AGBL1: variants seen among roughly 807,000 people sequenced by gnomAD.
The protein encoded by AGBL1 is AGBL carboxypeptidase 1.
A neutral mutation model predicts 118.9 loss-of-function variants in AGBL1; 130 were observed. The ratio of observed to expected loss-of-function variants is 1.09; its 90% CI spans 0.95 to 1.26. The LOEUF is 1.26. AGBL1 is among the 50% of genes most tolerant of loss of function. AGBL1 has a pLI of 0.00. For synonymous variants in AGBL1, 555 were observed against 478.9 expected (o/e 1.16, Z -2.08); for missense variants, 1,584 against 1,298.1 (o/e 1.22, Z -3.38).
At chr15:86,775,243 C>T (rs761777657) in intron 22 of AGBL1, among the ~76,000 whole-genome samples, 2 of 152,110 alleles carry the variant, frequency 1.3e-5, no homozygotes, top group Non-Finnish European at 2.9e-5. Flanking sequence ...GATGGTGGCT[C>T]AATCCAAGGC....
At chr15:87,020,989 G>GA (rs913103882) in intron 24 of AGBL1, among the ~76,000 whole-genome samples, 11 of 151,236 alleles carry the variant, frequency 7.3e-5, no homozygotes, top group East Asian at 3.9e-4. Context: ...GAATTAATTA[G>GA]AAAAAAAAAT....
chr15:86,777,774 T>A (rs866946495), intron 22 of AGBL1, among the ~76,000 whole-genome samples: 7 of 152,280 alleles, frequency 4.6e-5, no homozygotes, highest in African/African-American at 1.7e-4. Context: ...CCTCTTCTGT[T>A]TTTTTCTTTT....
intron 18 of AGBL1, among the ~76,000 whole-genome samples, chr15:86,467,045 A>T (rs1362388483): frequency 6.6e-6 from 1 of 152,208 alleles, no homozygotes; most frequent in African/African-American, 2.4e-5. Context: ...GTGCAGGAAC[A>T]TTTAATTCTG....
chr15:86,135,294 C>T lies in AGBL1; in HGVS notation c.52-6710C>T, dbSNP rs1023989536. On this transcript the variant is annotated intron_variant, in intron 1 of 22. Transcript: ENST00000614907. ...GAGCAGAAATAGCCTGACACTTTCACGAAAAGCAGATGCTGGGTCCATGCT... is the reference window on the plus strand; with the variant it reads ...GAGCAGAAATAGCCTGACACTTTCATGAAAAGCAGATGCTGGGTCCATGCT... 5.9e-5 allele frequency among the ~76,000 whole-genome samples: 9 copies of T among 152,214 alleles called. No individual in the cohort carries two copies. The South Asian group carries it at 8.3e-4, about 14-fold the overall frequency.
intron 23 of AGBL1, among the ~76,000 whole-genome samples, chr15:86,922,222 G>C (rs2080488316): frequency 1.3e-5 from 2 of 152,168 alleles, no homozygotes; most frequent in Non-Finnish European, 2.9e-5. Context: ...AGTATTAACA[G>C]AGCAACTTCA....
chr15:86,566,714 G>GAC (rs149448582), intron 21 of AGBL1, among the ~76,000 whole-genome samples: 14 of 151,732 alleles, frequency 9.2e-5, no homozygotes, highest in East Asian at 3.9e-4. Context: ...TCAGGATACA[G>GAC]ACACACACAC....
chr15:86,828,914 GTATATATATATATATA>G, intron 22 of AGBL1, among the ~76,000 whole-genome samples: 1 of 141,864 alleles, frequency 7.0e-6, no homozygotes, highest in East Asian at 2.1e-4. Context: ...AAGTTCAAAA[GTATATATATATATATA>G]TATATATATA....
intron 21 of AGBL1, among the ~76,000 whole-genome samples, chr15:86,657,176 TTGCTC>T: frequency 6.6e-6 from 1 of 152,264 alleles, no homozygotes; most frequent in East Asian, 1.9e-4. Context: ...TCAGCAGCCT[TTGCTC>T]TGTTCCTCCA....
chr15:86,933,473 C>T (rs1171612820), intron 23 of AGBL1, among the ~76,000 whole-genome samples: 1 of 152,108 alleles, frequency 6.6e-6, no homozygotes, highest in Non-Finnish European at 1.5e-5. Context: ...GTGACTTCCC[C>T]AATTGCTCTC....
intron 17 of AGBL1, among the ~76,000 whole-genome samples, chr15:86,368,419 C>T (rs1019861): frequency 0.59 from 90,221 of 151,954 alleles, 29,312 homozygotes; most frequent in East Asian, 0.92. Flanking sequence ...CTCTATATGA[C>T]ATCAAATATA....
chr15:86,368,240 A>G (rs537578212), intron 17 of AGBL1, among the ~76,000 whole-genome samples: 1 of 152,178 alleles, frequency 6.6e-6, no homozygotes, highest in South Asian at 2.1e-4. Context: ...AGGGAAGACA[A>G]AAACAGCACC....
intron 17 of AGBL1, among the ~76,000 whole-genome samples, chr15:86,330,486 T>C (rs184924471): frequency 2.6e-5 from 4 of 152,264 alleles, no homozygotes. Context: ...AAAATTCCAC[T>C]TACGTGAAAA....
At chr15:86,460,783 T>C (rs2082325390) in intron 18 of AGBL1, among the ~76,000 whole-genome samples, 1 of 152,230 alleles carries the variant, frequency 6.6e-6, no homozygotes, top group Non-Finnish European at 1.5e-5. Context: ...GTTCCTTTAG[T>C]GCTGGTTCTG....
chr15:86,345,573 C>T (rs2080524194), intron 17 of AGBL1, among the ~76,000 whole-genome samples: 1 of 152,204 alleles, frequency 6.6e-6, no homozygotes, highest in African/African-American at 2.4e-5. Context: ...GTGACATTTA[C>T]ACTGAGACTT....
At chr15:86,485,434 G>C (rs963537024) in intron 18 of AGBL1, among the ~76,000 whole-genome samples, 2 of 152,052 alleles carry the variant, frequency 1.3e-5, no homozygotes, top group African/African-American at 4.8e-5. Context: ...AATCCTTTCT[G>C]TCAAGGGCTT....
chr15:86,912,215 G>A lies in AGBL1; in HGVS notation c.*4921G>A, dbSNP rs1192822438. 6.6e-6 allele frequency: 1 copy of A among 152,200 alleles called. No homozygotes were observed. Among genetic ancestry groups the A allele is most frequent in the Non-Finnish European group, 1.5e-5 (1 of 68,052 alleles). 9.4% of individuals were successfully genotyped at this position (152,200 alleles called of 1,614,324 possible). A position where few individuals can be genotyped will look rare whatever the true frequency, so the allele number is the denominator to read the frequency against. On this transcript the variant is annotated 3_prime_UTR_variant, in exon 23 of 23. Coordinates refer to ENST00000614907, the MANE Select transcript of AGBL1 (RefSeq NM_001386094.1). ...GCACAAGTGCAGCCTGGCCTCTCAA[G>A]CTGGTGGTTGCCATGGAAGAGTTCC...
chr15:86,564,946 G>C (rs1452542771), intron 21 of AGBL1, among the ~76,000 whole-genome samples: 1 of 152,048 alleles, frequency 6.6e-6, no homozygotes, highest in Non-Finnish European at 1.5e-5. Flanking sequence ...TTGTGCATCT[G>C]TCACATAGAT....
intron 24 of AGBL1, among the ~76,000 whole-genome samples, chr15:87,022,336 A>G (rs987314677): frequency 1.3e-5 from 2 of 152,078 alleles, no homozygotes; most frequent in Non-Finnish European, 1.5e-5. Flanking sequence ...TTACCTGAAA[A>G]AGAATTCAGG....
At chr15:86,987,976 G>T in intron 23 of AGBL1, 1 of 1,612,210 alleles carries the variant, frequency 6.2e-7, no homozygotes, top group South Asian at 1.1e-5. Context: ...TCATTTATCT[G>T]AACATTACAG....
Sources: gnomAD v4.1 joint callset for allele counts (sites outside exome capture counted in the v4.1 genomes callset) on GRCh38, gnomAD v4.1.1 for gene constraint, MANE v1.5 for transcripts, NCBI Gene and HGNC (gene_info 2026-07-23, HGNC 2026-07-21) for gene names.